Variants in IL3RA observed in about 807,000 individuals in gnomAD.
The protein encoded by IL3RA is interleukin-3 receptor subunit alpha.
Under a neutral mutation model 52.3 loss-of-function variants are expected in IL3RA, and 73 were observed. The ratio of observed to expected loss-of-function variants is 1.40; its 90% CI spans 1.16 to 1.70. The LOEUF is 1.70. IL3RA is among the 40% of genes most tolerant of loss of function. IL3RA has a pLI of 0.00. For missense variants in IL3RA, 664 were observed against 504.4 expected, an observed-to-expected ratio of 1.32 and a Z score of -3.03; for synonymous variants, 260 against 194.0, an observed-to-expected ratio of 1.34 and a Z score of -2.83.
At chrX:1,360,971 CTCTG>C (rs1416609177) in intron 8 of IL3RA, among the ~76,000 whole-genome samples, 1 of 93,908 alleles carries the variant, frequency 1.1e-5, no homozygotes, top group African/African-American at 7.4e-5. Context: ...CCCTTCCCCT[CTCTG>C]TCTCTCTCTC....
chrX:1,362,163 TCC>T (rs1409337549), intron 8 of IL3RA, among the ~76,000 whole-genome samples: 11 of 97,446 alleles, frequency 1.1e-4, no homozygotes, highest in Non-Finnish European at 1.8e-4. Flanking sequence ...TTTTTCTCTT[TCC>T]CTCTCTCTTT....
intron 7 of IL3RA, among the ~76,000 whole-genome samples, 193 bp from the exon 8 acceptor site, chrX:1,358,668 T>C (rs1447965068): frequency 2.6e-5 from 4 of 152,040 alleles, no homozygotes; most frequent in Admixed American, 6.6e-5. Flanking sequence ...CATAAATAAA[T>C]AAACAAACAA....
rs780779913 is a variant in IL3RA, at chrX:1,381,040, G to C, written c.998G>C (p.Arg333Thr). The change falls in exon 11 of 12, where the codon AGA becomes ACA. Residue 333 changes from arginine (R) to threonine (T), a missense_variant. Coordinates refer to ENST00000331035, the MANE Select transcript of IL3RA (RefSeq NM_002183.4). ...VICRRYLVMQ[R>T]LFPRIPHMKD... ...CCTCCGAGGTATCTGGTGATGCAGA[G>C]ACTCTTTCCCCGCATCCCTCACATG... 1.9e-6 allele frequency: 3 copies of C among 1,613,844 alleles called. No homozygotes were observed. In the Admixed American group the frequency reaches 5.0e-5, roughly 27 times the overall value.
At chrX:1,348,391 T>C in intron 3 of IL3RA, 40 bp from the exon 4 acceptor site, 1 of 1,452,254 alleles carries the variant, frequency 6.9e-7, no homozygotes, top group Non-Finnish European at 9.7e-7. Flanking sequence ...AAATTAAGCA[T>C]GGTCTGTCAG....
chrX:1,337,432 G>A (rs1603442228), intron 1 of IL3RA, among the ~76,000 whole-genome samples: 1 of 152,300 alleles, frequency 6.6e-6, no homozygotes, highest in East Asian at 1.9e-4. Flanking sequence ...GACTCAGAAT[G>A]TTCCAGATGG....
At chrX:1,362,383 CTCTG>C (rs199964418) in intron 8 of IL3RA, among the ~76,000 whole-genome samples, 1,906 of 149,998 alleles carry the variant, frequency 0.013, 57 homozygotes, top group African/African-American at 0.044. Context: ...GTCTCTTTGT[CTCTG>C]TCTGTTTCTG....
Position 1,382,466 on chromosome X carries a change from G to C in IL3RA, c.*1G>C. On this transcript the variant is annotated 3_prime_UTR_variant, in exon 12 of 12. Coordinates refer to ENST00000331035, the MANE Select transcript of IL3RA (RefSeq NM_002183.4). ...AGTACAGGTCGTGCAGAAAACTTGA[G>C]ACTGGGGTTCAGGGCTTGTGGGGGT... The C allele has an allele frequency of 6.2e-7, 1 of 1,613,848 alleles. No individual in the cohort carries two copies. Among genetic ancestry groups the C allele is most frequent in the Non-Finnish European group, 8.5e-7 (1 of 1,179,774 alleles).
chrX:1,361,283 C>G (rs768287490), intron 8 of IL3RA, among the ~76,000 whole-genome samples: 1 of 151,970 alleles, frequency 6.6e-6, no homozygotes, highest in South Asian at 2.1e-4. Context: ...GTCTGTCTGT[C>G]CCCCTGTATT....
At position 1,336,938 on chromosome X, in the gene IL3RA, C is replaced by G. The variant is rs6607439; in HGVS notation, c.-39+12C>G. ...GATCTCCATTTAAGGTAAGGTCCCC[C>G]CTCCAGGGTGGGATGAGGGAAAAAG... On this transcript the variant is annotated intron_variant, in intron 1 of 11. Transcript: ENST00000331035. 2 of 152,076 alleles carry G rather than the reference C, an allele frequency of 1.3e-5. No homozygotes were observed. The highest frequency in any genetic ancestry group is 4.8e-5 in the African/African-American group (2 of 41,402). 9.4% of individuals were successfully genotyped at this position (152,076 alleles called of 1,614,324 possible).
At chrX:1,356,372 C>T (rs762799761) in intron 7 of IL3RA, 36 bp downstream of exon 7, 3 of 1,348,278 alleles carry the variant, frequency 2.2e-6, no homozygotes, top group East Asian at 4.7e-5. Context: ...CCCCCACCCC[C>T]GTGGACATCC....
At chrX:1,348,694 TTCTTTCTTTCTG>T (rs2085922240) in intron 4 of IL3RA, 149 bp downstream of exon 4, 1 of 271,242 alleles carries the variant, frequency 3.7e-6, no homozygotes, top group Non-Finnish European at 6.5e-6. Context: ...TTCTTTCTTT[TTCTTTCTTTCTG>T]TTTCTGTTTC....
chrX:1,340,144 C>A (rs1411149486), intron 1 of IL3RA, among the ~76,000 whole-genome samples: 4 of 134,160 alleles, frequency 3.0e-5, no homozygotes, highest in African/African-American at 1.1e-4. Flanking sequence ...GAGACGGAGT[C>A]TCGCTCTGTC....
chrX:1,356,479 A>AAAAC (rs2086725682), intron 7 of IL3RA, 143 bp downstream of exon 7: 8 of 631,898 alleles, frequency 1.3e-5, no homozygotes, highest in Non-Finnish European at 2.3e-5. Context: ...AACAAAAACA[A>AAAAC]AAACAAAAGG....
chrX:1,352,015 T>G (rs1356368345), intron 4 of IL3RA, 85 bp from the exon 5 acceptor site: 10 of 1,530,326 alleles, frequency 6.5e-6, no homozygotes, highest in African/African-American at 2.7e-5. Context: ...TCCACCCGCC[T>G]CGGCCTCCCA....
chrX:1,377,243 T>A (rs757907015), intron 9 of IL3RA, among the ~76,000 whole-genome samples: 1 of 152,182 alleles, frequency 6.6e-6, no homozygotes, highest in African/African-American at 2.4e-5. Flanking sequence ...CTTTTTTCTT[T>A]TTTTTCCTCT....
chrX:1,378,182 C>CAAAAA (rs370693489), intron 9 of IL3RA, among the ~76,000 whole-genome samples: 1 of 86,302 alleles, frequency 1.2e-5, no homozygotes, highest in African/African-American at 3.8e-5. Context: ...GACTCCATCT[C>CAAAAA]AAAAAAAAAA....
At chrX:1,344,392 C>G (rs2085634739) in intron 2 of IL3RA, among the ~76,000 whole-genome samples, 1 of 151,904 alleles carries the variant, frequency 6.6e-6, no homozygotes, top group Non-Finnish European at 1.5e-5. Flanking sequence ...CGAGATCGCG[C>G]CACTGAATTC....
At chrX:1,341,656 C>T in intron 1 of IL3RA, 72 bp from the exon 2 acceptor site, 1 of 1,181,540 alleles carries the variant, frequency 8.5e-7, no homozygotes, top group Non-Finnish European at 1.2e-6. Context: ...CTGGAAGGGG[C>T]AAGCATCCTT....
At position 1,365,179 on chromosome X, in the gene IL3RA, G is replaced by A. The variant is rs756718979; in HGVS notation, c.801G>A (p.Thr267=). 16 of 1,610,978 alleles carry A rather than the reference G, an allele frequency of 9.9e-6. No individual in the cohort carries two copies. The East Asian group carries it at 2.9e-4, about 29-fold the overall frequency. The change falls in exon 9 of 12, where the codon ACG becomes ACA. Residue 267 remains threonine, a synonymous_variant. Transcript: ENST00000331035. ...RTSFQLLNPG[T]YTVQIRARER... ...CCTTCCAGCTACTCAATCCTGGAACGTACACAGTACAAATAAGAGCCCGGG... is the reference window on the plus strand; with the variant it reads ...CCTTCCAGCTACTCAATCCTGGAACATACACAGTACAAATAAGAGCCCGGG...
Sources: allele counts gnomAD v4.1 joint callset (sites outside exome capture counted in the v4.1 genomes callset), GRCh38; gene constraint gnomAD v4.1.1; transcripts MANE v1.5; gene names NCBI Gene and HGNC (gene_info 2026-07-23, HGNC 2026-07-21).